Variants in RGS22 observed in about 807,000 individuals in gnomAD.
RGS22 encodes the protein regulator of G-protein signaling 22.
RGS22 carries 148 observed loss-of-function variants against 172.9 expected under a neutral mutation model. The ratio of observed to expected loss-of-function variants is 0.86; its 90% CI spans 0.75 to 0.98. The LOEUF (loss-of-function observed/expected upper bound fraction) is 0.98. Ranked by LOEUF, RGS22 falls within the 50% of genes least tolerant of loss-of-function variation. The pLI is 0.00. For synonymous variants in RGS22, 458 were observed against 480.2 expected, an observed-to-expected ratio of 0.95 and a Z score of 0.60; for missense variants, 1,347 against 1,440.8, an observed-to-expected ratio of 0.93 and a Z score of 1.05.
chr8:100,105,927 C>A lies in RGS22; in HGVS notation c.-6G>T, dbSNP rs1243260946. 6.7e-7 allele frequency: 1 copy of A among 1,484,370 alleles called. No homozygotes were observed. Among genetic ancestry groups the A allele is most frequent in the Non-Finnish European group, 8.9e-7 (1 of 1,120,072 alleles). The allele number at this position is 1,484,370 out of a possible 1,614,324, so 91.9% of individuals were successfully genotyped here. Reference sequence around the variant, plus strand: ...GTGAGCCTCTTCTCGGGCATGCCGTCCCCGCTGCCCGCGCCTGGAGCCCGC... The same window carrying A: ...GTGAGCCTCTTCTCGGGCATGCCGTACCCGCTGCCCGCGCCTGGAGCCCGC... On this transcript the variant is annotated 5_prime_UTR_variant, in exon 1 of 28. Coordinates refer to ENST00000360863, the MANE Select transcript of RGS22 (RefSeq NM_015668.5).
chr8:100,004,672 T>G (rs1234259979), intron 16 of RGS22: 1 of 151,840 alleles, frequency 6.6e-6, no homozygotes, highest in African/African-American at 2.4e-5. Context: ...GATAGGATTA[T>G]GCACCTATTT....
chr8:100,087,323 T>C (rs559372016), intron 3 of RGS22, among the ~76,000 whole-genome samples: 2 of 152,304 alleles, frequency 1.3e-5, no homozygotes, highest in Non-Finnish European at 2.9e-5. Context: ...TTTTCCTTAC[T>C]TAATTTTCTT....
At chr8:100,052,317 T>C (rs1821744839) in intron 10 of RGS22, among the ~76,000 whole-genome samples, 1 of 146,624 alleles carries the variant, frequency 6.8e-6, no homozygotes, top group Non-Finnish European at 1.5e-5. Flanking sequence ...TCTTTTTTTT[T>C]TTGAGACAGA....
intron 7 of RGS22, among the ~76,000 whole-genome samples, chr8:100,064,765 T>A (rs906093521): frequency 6.6e-6 from 1 of 152,242 alleles, no homozygotes; most frequent in Non-Finnish European, 1.5e-5. Flanking sequence ...TGATATTTCA[T>A]GTTGTATGAT....
intron 26 of RGS22, 76 bp downstream of exon 26, chr8:99,962,611 C>T: frequency 4.7e-6 from 7 of 1,473,804 alleles, no homozygotes; most frequent in Non-Finnish European, 9.3e-7. Flanking sequence ...CCTGTACATT[C>T]TGAATGGCCA....
chr8:100,042,005 C>T, intron 11 of RGS22, 89 bp from the exon 12 acceptor site: 1 of 712,680 alleles, frequency 1.4e-6, no homozygotes, highest in South Asian at 1.6e-5. Flanking sequence ...ATACATAGCA[C>T]CGAATCTCAA....
intron 9 of RGS22, among the ~76,000 whole-genome samples, chr8:100,053,639 C>A (rs897084353): frequency 6.6e-6 from 1 of 152,142 alleles, no homozygotes; most frequent in African/African-American, 2.4e-5. Context: ...TTAAAACATA[C>A]AAACTTTTTT....
At chr8:99,986,633 T>A (rs1361028862) in intron 21 of RGS22, among the ~76,000 whole-genome samples, 1 of 152,232 alleles carries the variant, frequency 6.6e-6, no homozygotes, top group Non-Finnish European at 1.5e-5. Flanking sequence ...AGATTCTGTA[T>A]GATTACATTA....
intron 3 of RGS22, among the ~76,000 whole-genome samples, chr8:100,089,196 A>T (rs1028819827): frequency 2.0e-5 from 3 of 149,266 alleles, no homozygotes; most frequent in African/African-American, 7.7e-5. Context: ...GATACACGAG[A>T]TACACACACA....
At chr8:100,049,293 T>C (rs1381851191) in intron 10 of RGS22, among the ~76,000 whole-genome samples, 1 of 152,202 alleles carries the variant, frequency 6.6e-6, no homozygotes. Context: ...TTTTGCTGTA[T>C]ATAAGTTATA....
chr8:100,007,281 G>A (rs908673943), intron 15 of RGS22, among the ~76,000 whole-genome samples: 1 of 152,098 alleles, frequency 6.6e-6, no homozygotes, highest in Non-Finnish European at 1.5e-5. Flanking sequence ...ATGACCTCAG[G>A]TACACAGTAC....
chr8:100,105,541 T>C, intron 1 of RGS22, 139 bp from the exon 2 acceptor site: 1 of 725,268 alleles, frequency 1.4e-6, no homozygotes, highest in East Asian at 2.5e-5. Flanking sequence ...TCATTCTCTG[T>C]ACATGGCTTG....
rs1821327947 is a variant in RGS22 at position 100,051,512 on chromosome 8, AAT to A, written c.1689+1288_1689+1289del. On this transcript the variant is annotated intron_variant, in intron 10 of 27. Coordinates refer to ENST00000360863, the MANE Select transcript of RGS22 (RefSeq NM_015668.5). ...ATATAATATATAATAAATATATATA[AAT>A]ATATTTTTATATATTTATACATATA... 1.0e-4 allele frequency among the ~76,000 whole-genome samples: 2 copies of A among 19,484 alleles called. 1 individual carries two copies. Among genetic ancestry groups the A allele is most frequent in the Non-Finnish European group, 1.9e-4 (2 of 10,472 alleles). The allele number at this position is 19,484 out of a possible 152,430, so 12.8% of individuals were successfully genotyped here.
At chr8:100,085,932 G>A (rs561500064) in intron 3 of RGS22, among the ~76,000 whole-genome samples, 5 of 152,128 alleles carry the variant, frequency 3.3e-5, no homozygotes, top group African/African-American at 1.2e-4. Context: ...GTTTAACACA[G>A]AACAAGCACA....
chr8:100,005,919 T>C, intron 16 of RGS22, 98 bp downstream of exon 16: 1 of 758,510 alleles, frequency 1.3e-6, no homozygotes, highest in East Asian at 2.6e-5. Context: ...ACTGCCTATA[T>C]GATCTCGTCA....
At chr8:100,051,150 G>A (rs1821233722) in intron 10 of RGS22, among the ~76,000 whole-genome samples, 1 of 151,606 alleles carries the variant, frequency 6.6e-6, no homozygotes. Context: ...CATATCTGGA[G>A]GAAGAGTGCT....
chr8:100,007,566 A>T (rs944097663), intron 15 of RGS22, among the ~76,000 whole-genome samples: 10 of 152,152 alleles, frequency 6.6e-5, no homozygotes, highest in Non-Finnish European at 4.4e-5. Flanking sequence ...TATGTTTTCC[A>T]TAGGTGTAAT....
In RGS22 at chr8:99,978,070, T is replaced by G; in HGVS notation, c.3366A>C (p.Thr1122=). The change falls in exon 23 of 28, where the codon ACA becomes ACC. Residue 1122 remains threonine, a synonymous_variant. Transcript: ENST00000360863. ...GPYVFREAQM[T]IFGVLFKFWP... Reference sequence around the variant, plus strand: ...AGAATTTAAACAGAACCCCAAAAATTGTCATCTGTATAAAAAAAAGTCTAA... The same window carrying G: ...AGAATTTAAACAGAACCCCAAAAATGGTCATCTGTATAAAAAAAAGTCTAA... 1 of 1,510,100 alleles carries G rather than the reference T, an allele frequency of 6.6e-7. No homozygotes were observed. Among genetic ancestry groups the G allele is most frequent in the African/African-American group, 1.4e-5 (1 of 69,162 alleles). The allele number at this position is 1,510,100 out of a possible 1,614,324, so 93.5% of individuals were successfully genotyped here.
At chr8:100,054,114 C>G (rs1317894893) in intron 9 of RGS22, among the ~76,000 whole-genome samples, 2 of 152,126 alleles carry the variant, frequency 1.3e-5, no homozygotes, top group Non-Finnish European at 2.9e-5. Flanking sequence ...TAAGGCCACA[C>G]TTAATTGGAT....
Sources: allele counts gnomAD v4.1 joint callset (sites outside exome capture counted in the v4.1 genomes callset), GRCh38; gene constraint gnomAD v4.1.1; transcripts MANE v1.5; gene names NCBI Gene and HGNC (gene_info 2026-07-23, HGNC 2026-07-21).